The following AHI1 variants were observed in gnomAD, a reference collection of about 807,000 sequenced individuals.
AHI1 encodes Abelson helper integration site 1, also known as jouberin.
In AHI1, 123 loss-of-function variants were observed where a neutral mutation model predicts 149.3. The observed-to-expected ratio is 0.82, with a 90% CI of 0.71 to 0.96. The LOEUF is 0.96. Among genes scored for constraint, AHI1 ranks in the 40% least tolerant of loss-of-function variants. AHI1 has a pLI of 0.00. For missense variants in AHI1, 1,439 were observed against 1,422.7 expected (o/e 1.01, Z -0.18); for synonymous variants, 475 against 459.8 (o/e 1.03, Z -0.42).
chr6:135,329,432 A>G (rs1350518265), intron 24 of AHI1, among the ~76,000 whole-genome samples: 1 of 152,194 alleles, frequency 6.6e-6, no homozygotes, highest in African/African-American at 2.4e-5. Context: ...TCTCTCCTCT[A>G]TAAATGGAAG....
intron 11 of AHI1, among the ~76,000 whole-genome samples, chr6:135,449,466 T>C (rs1302618890): frequency 6.6e-6 from 1 of 152,222 alleles, no homozygotes; most frequent in Non-Finnish European, 1.5e-5. Flanking sequence ...TTATGTCTTC[T>C]GCAAATTAGG....
chr6:135,369,876 G>T (rs1245052293), intron 23 of AHI1, among the ~76,000 whole-genome samples: 9 of 152,034 alleles, frequency 5.9e-5, no homozygotes, highest in Admixed American at 1.3e-4. Flanking sequence ...CCATTTAAGA[G>T]AAATGGAAAT....
chr6:135,294,394 C>T (rs962041376), intron 27 of AHI1, among the ~76,000 whole-genome samples: 6 of 150,752 alleles, frequency 4.0e-5, no homozygotes, highest in African/African-American at 1.5e-4. Flanking sequence ...TAGTGGTGTA[C>T]GCTACTTGGG....
intron 23 of AHI1, among the ~76,000 whole-genome samples, chr6:135,360,626 T>C (rs921492088): frequency 5.9e-5 from 9 of 152,340 alleles, no homozygotes; most frequent in Non-Finnish European, 1.2e-4. Context: ...TGACTAGTAA[T>C]ATACTTACTT....
chr6:135,492,178 GTAAATGTATAAAATA>G, intron 4 of AHI1, 35 bp downstream of exon 4: 1 of 1,383,020 alleles, frequency 7.2e-7, no homozygotes, highest in Non-Finnish European at 9.8e-7. Flanking sequence ...AAACTTAAAA[GTAAATGTATAAAATA>G]TAAATTTTAT....
chr6:135,393,092 T>C (rs1778743586), intron 23 of AHI1, among the ~76,000 whole-genome samples: 1 of 152,096 alleles, frequency 6.6e-6, no homozygotes, highest in African/African-American at 2.4e-5. Context: ...AATATCCCTC[T>C]TATGGCCTAC....
intron 20 of AHI1, among the ~76,000 whole-genome samples, chr6:135,415,013 T>C (rs1782156415): frequency 7.4e-6 from 1 of 135,910 alleles, no homozygotes; most frequent in African/African-American, 2.8e-5. Context: ...CCTTCCTGTG[T>C]CCATGTGTTC....
chr6:135,310,630 A>AGAG (rs1336166834), intron 26 of AHI1, among the ~76,000 whole-genome samples: 1 of 152,260 alleles, frequency 6.6e-6, no homozygotes, highest in African/African-American at 2.4e-5. Flanking sequence ...GCTCATGTGA[A>AGAG]GATTAGCTAT....
chr6:135,382,979 T>A (rs1000244826), intron 23 of AHI1, among the ~76,000 whole-genome samples: 6 of 137,054 alleles, frequency 4.4e-5, no homozygotes, highest in African/African-American at 1.4e-4. Flanking sequence ...AATAATTTTT[T>A]AAAAATTGGA....
rs1317619227 is a variant in AHI1 at position 135,290,407 on chromosome 6, T to C, written c.3588+16A>G. The C allele has an allele frequency of 1.4e-6, 2 of 1,419,168 alleles. No homozygotes were observed. Among genetic ancestry groups the C allele is most frequent in the Non-Finnish European group, 2.0e-6 (2 of 1,003,068 alleles). 87.9% of individuals were successfully genotyped at this position (1,419,168 alleles called of 1,614,324 possible). A position where few individuals can be genotyped will look rare whatever the true frequency, so the allele number is the denominator to read the frequency against. On this transcript the variant is annotated intron_variant, in intron 28 of 28. Coordinates refer to ENST00000265602, the MANE Select transcript of AHI1 (RefSeq NM_001134831.2). ...GTTGACAACATAGCGCAACTTTCTA[T>C]TGGTTTTCCCCTTACCTCTATTAGA...
chr6:135,292,090 A>G (rs907580046), intron 27 of AHI1, among the ~76,000 whole-genome samples: 5 of 151,226 alleles, frequency 3.3e-5, no homozygotes, highest in Admixed American at 2.0e-4. Context: ...TGAAATATGT[A>G]AATATCTGGG....
chr6:135,480,531 G>A (rs1212167239), intron 5 of AHI1, among the ~76,000 whole-genome samples: 1 of 152,062 alleles, frequency 6.6e-6, no homozygotes, highest in Non-Finnish European at 1.5e-5. Flanking sequence ...GTGCTACGTG[G>A]GTCTTACAGT....
chr6:135,468,464 G>A (rs998888745), intron 5 of AHI1, among the ~76,000 whole-genome samples: 2 of 152,224 alleles, frequency 1.3e-5, no homozygotes, highest in African/African-American at 2.4e-5. Flanking sequence ...AACAGTTTGG[G>A]AGGCCGAGGT....
In AHI1 at chr6:135,311,301, C is replaced by CA. The variant is rs35950731; in HGVS notation, c.3426+7217dup. ...TGGGTGACAGGGCGAGACCCCGCCT[C>CA]AAAAAAAAAAAAAAAAAAAAAGATG... On this transcript the variant is annotated intron_variant, in intron 26 of 28. Transcript: ENST00000265602. 4.8e-3 allele frequency among the ~76,000 whole-genome samples: 384 copies of CA among 79,776 alleles called. 5 individuals carry two copies. Among genetic ancestry groups the CA allele is most frequent in the African/African-American group, 0.012 (222 of 19,234 alleles). 52.3% of individuals were successfully genotyped at this position (79,776 alleles called of 152,430 possible). A position where few individuals can be genotyped will look rare whatever the true frequency, so the allele number is the denominator to read the frequency against.
At chr6:135,422,332 C>G (rs1038657585) in intron 20 of AHI1, among the ~76,000 whole-genome samples, 23 of 151,972 alleles carry the variant, frequency 1.5e-4, no homozygotes, top group African/African-American at 5.1e-4. Context: ...TCAAACATGG[C>G]AAAACCCTGT....
At chr6:135,451,437 G>C (rs6570007) in intron 11 of AHI1, among the ~76,000 whole-genome samples, 115,978 of 152,146 alleles carry the variant, frequency 0.76, 48,662 homozygotes, top group Non-Finnish European at 0.91. Flanking sequence ...GGAGTTTCAA[G>C]AGAGTGACAT....
intron 21 of AHI1, among the ~76,000 whole-genome samples, chr6:135,410,277 G>GGA: frequency 6.6e-6 from 1 of 152,164 alleles, no homozygotes; most frequent in Non-Finnish European, 1.5e-5. Flanking sequence ...GTCAGAGGCA[G>GGA]GAGAATTGCT....
In AHI1 at chr6:135,358,243, G is replaced by T. The variant is rs1562570434; in HGVS notation, c.3110-56C>A. On this transcript the variant is annotated intron_variant, in intron 23 of 28. Coordinates refer to ENST00000265602, the MANE Select transcript of AHI1 (RefSeq NM_001134831.2). ...TTATTAAGCCTGTCCATTTTATGTT[G>T]AAAATATTCATGCCATTTTATTGGA... 1.3e-5 allele frequency: 18 copies of T among 1,419,034 alleles called. No individual in the cohort carries two copies. In the East Asian group the frequency reaches 3.9e-4, roughly 31 times the overall value. The allele number at this position is 1,419,034 out of a possible 1,614,324, so 87.9% of individuals were successfully genotyped here.
At chr6:135,489,013 T>C (rs1367487199) in intron 5 of AHI1, among the ~76,000 whole-genome samples, 1 of 152,168 alleles carries the variant, frequency 6.6e-6, no homozygotes, top group East Asian at 1.9e-4. Context: ...TAAATATATA[T>C]AAAGTGTTTA....
Sources: gnomAD v4.1 joint callset for allele counts (sites outside exome capture counted in the v4.1 genomes callset) on GRCh38, gnomAD v4.1.1 for gene constraint, MANE v1.5 for transcripts, NCBI Gene and HGNC (gene_info 2026-07-23, HGNC 2026-07-21) for gene names.